Variants in NBPF14 observed in about 807,000 individuals in gnomAD.
NBPF14 encodes NBPF family member NBPF14.
Under a neutral mutation model 91.2 loss-of-function variants are expected in NBPF14, and 104 were observed. The observed-to-expected ratio is 1.14, with a 90% CI of 0.97 to 1.34. NBPF14 has a LOEUF of 1.34. NBPF14 is among the 40% of genes most tolerant of loss of function. The pLI is 0.00. For synonymous variants in NBPF14, 294 were observed against 303.8 expected (o/e 0.97, Z 0.34); for missense variants, 908 against 783.0 (o/e 1.16, Z -1.91).
At chr1:148,577,204 C>G in exon 15 of NBPF14, 2 of 663,136 alleles carry the variant, frequency 3.0e-6, no homozygotes, top group Admixed American at 2.3e-5. Flanking sequence ...ACAGCCAAGC[C>G]AACACGCTGT....
At position 148,587,385 on chromosome 1, in the gene NBPF14, TC is replaced by T. The variant is rs1661719135; in HGVS notation, c.1006del (p.Asp336ThrfsTer3). 1 of 1,579,860 alleles carries T rather than the reference TC, an allele frequency of 6.3e-7. No homozygotes were observed. The highest frequency in any genetic ancestry group is 8.6e-7 in the Non-Finnish European group (1 of 1,157,658). On this transcript the variant is annotated frameshift_variant, in exon 8 of 71. Transcript: ENST00000619423. LOFTEE classifies it high-confidence loss of function. ...ATTCCTCAGCATAAATTTTATGAGG[TC>T]TTTGCACTCTTCATATTCTGAGAAA...
At position 148,539,243 on chromosome 1, in the gene NBPF14, C is replaced by T. The variant is rs1293602841; in HGVS notation, c.7882+167G>A. 2.7e-5 allele frequency among the ~76,000 whole-genome samples: 3 copies of T among 111,566 alleles called. 1 individual carries two copies. Among genetic ancestry groups the T allele is most frequent in the Non-Finnish European group, 5.3e-5 (3 of 56,912 alleles). 73.2% of individuals were successfully genotyped at this position (111,566 alleles called of 152,430 possible). A position where few individuals can be genotyped will look rare whatever the true frequency, so the allele number is the denominator to read the frequency against. ...CCTTGCTCACTGACCCATTTCATGT[C>T]TAGGCTTCCAACTGAGACTACAGTT... On this transcript the variant is annotated intron_variant, in intron 63 of 70. Coordinates refer to ENST00000619423, the Ensembl canonical transcript of NBPF14.
chr1:148,588,804 AT>A (rs1661999557), intron 7 of NBPF14, among the ~76,000 whole-genome samples: 2 of 150,358 alleles, frequency 1.3e-5, no homozygotes, highest in South Asian at 4.3e-4. Context: ...CTTGAACTGA[AT>A]AAAAGTTCAC....
At chr1:148,533,203 C>A (rs781912679) in exon 71 of NBPF14, 2 of 685,210 alleles carry the variant, frequency 2.9e-6, no homozygotes, top group South Asian at 4.0e-5. Context: ...CCAGTGAGTC[C>A]TGTAAGACTT....
In NBPF14 at chr1:148,561,808, C is replaced by A. The variant is rs1209989670; in HGVS notation, c.4275-229G>T. On this transcript the variant is annotated intron_variant, in intron 34 of 70. Coordinates refer to ENST00000619423, the Ensembl canonical transcript of NBPF14. ...ACACACACACACACACACAAACACA[C>A]ACACACACACAGAGAGAGAGAGAGA... 2.0e-4 allele frequency among the ~76,000 whole-genome samples: 27 copies of A among 136,184 alleles called. 1 individual carries two copies. The highest frequency in any genetic ancestry group is 3.4e-4 in the Non-Finnish European group (23 of 67,196). The allele number at this position is 136,184 out of a possible 152,430, so 89.3% of individuals were successfully genotyped here.
chr1:148,559,778 T>A lies in NBPF14; in HGVS notation c.4729+15A>T. On this transcript the variant is annotated intron_variant, in intron 37 of 70. Transcript: ENST00000619423. ...ACTCAGTGGATCCTTATCACCTTCA[T>A]AGAAAGGTACTCACCATCCATGTCA... is the stretch of plus-strand genomic sequence containing the variant. 7.0e-7 allele frequency: 1 copy of A among 1,433,214 alleles called. No individual in the cohort carries two copies. The highest frequency in any genetic ancestry group is 9.4e-7 in the Non-Finnish European group (1 of 1,058,658). 88.8% of individuals were successfully genotyped at this position (1,433,214 alleles called of 1,614,324 possible).
In NBPF14 at chr1:148,593,817, T is replaced by A. The variant is rs1662883107; in HGVS notation, c.176-117A>T. ...GACAAAACTCTCCCCAGTACCACGG[T>A]CTAGACAGGGATTTCCACATCTTTA... On this transcript the variant is annotated intron_variant, in intron 2 of 70. Coordinates refer to ENST00000619423, the Ensembl canonical transcript of NBPF14. 8 of 1,000,190 alleles carry A rather than the reference T, an allele frequency of 8.0e-6. 1 individual carries two copies. The highest frequency in any genetic ancestry group is 9.2e-6 in the Non-Finnish European group (6 of 651,910). 62.0% of individuals were successfully genotyped at this position (1,000,190 alleles called of 1,614,324 possible).
intron 40 of NBPF14, among the ~76,000 whole-genome samples, chr1:148,557,140 G>C (rs1656743221): frequency 8.3e-6 from 1 of 120,758 alleles, no homozygotes; most frequent in Non-Finnish European, 1.6e-5. Flanking sequence ...ACACTGATGA[G>C]GGAGTAACAG....
At chr1:148,535,207 C>A (rs1324189000) in intron 68 of NBPF14, among the ~76,000 whole-genome samples, 3 of 149,696 alleles carry the variant, frequency 2.0e-5, no homozygotes, top group African/African-American at 5.1e-5. Context: ...CATAAACTTG[C>A]TCAAGATTCC....
chr1:148,585,358 C>T (rs1424839298), intron 9 of NBPF14, 145 bp from the exon 10 acceptor site: 57 of 642,680 alleles, frequency 8.9e-5, no homozygotes, highest in East Asian at 4.0e-4. Context: ...TAACAGAATG[C>T]CCTGCCATGG....
At position 148,534,574 on chromosome 1, in the gene NBPF14, G is replaced by C. The variant is rs1275015065; in HGVS notation, c.8614+110C>G. 9.3e-4 allele frequency: 741 copies of C among 798,686 alleles called. 19 individuals are homozygous for C. The African/African-American group carries it at 0.011, about 12-fold the overall frequency. The allele number at this position is 798,686 out of a possible 1,614,324, so 49.5% of individuals were successfully genotyped here. ...CAACCTATATGCGCCCATAGGTCCT[G>C]CCTGCGGCAATGACATCTCTCGGGT... On this transcript the variant is annotated intron_variant, in intron 69 of 70. Transcript: ENST00000619423.
intron 34 of NBPF14, among the ~76,000 whole-genome samples, chr1:148,561,802 A>AAAC (rs1657809530): frequency 2.1e-5 from 2 of 95,608 alleles, no homozygotes; most frequent in Non-Finnish European, 4.5e-5. Flanking sequence ...CACACACACA[A>AAAC]ACACACACAC....
chr1:148,585,972 T>C (rs1661463367), intron 9 of NBPF14, among the ~76,000 whole-genome samples: 1 of 151,130 alleles, frequency 6.6e-6, no homozygotes, highest in Non-Finnish European at 1.5e-5. Flanking sequence ...ACAAGCCTGC[T>C]CCCATCGCAG....
chr1:148,533,720 G>A (rs1378995978), intron 70 of NBPF14, 141 bp downstream of exon 70: 10 of 723,926 alleles, frequency 1.4e-5, no homozygotes, highest in Admixed American at 3.9e-5. Flanking sequence ...AACATCTACT[G>A]CAATGAAAAC....
chr1:148,566,561 A>G (rs1267752461), intron 28 of NBPF14, among the ~76,000 whole-genome samples: 2 of 144,520 alleles, frequency 1.4e-5, no homozygotes, highest in Non-Finnish European at 3.1e-5. Context: ...ACACACACAG[A>G]GAACGAGCTC....
rs1661113738 is a variant in NBPF14, at chr1:148,583,825, T to A, written c.1586-633A>T. ...CAGAGGTTGCACCAAGCCAAGATGG[T>A]GCCACTGCACTCCAGCCTGGGTGAC... On this transcript the variant is annotated intron_variant, in intron 11 of 70. Coordinates refer to ENST00000619423, the Ensembl canonical transcript of NBPF14. Among the ~76,000 whole-genome samples the A allele has an allele frequency of 2.9e-5, 2 of 69,164 alleles. 1 individual carries two copies. The highest frequency in any genetic ancestry group is 4.6e-5 in the Non-Finnish European group (2 of 43,356). The allele number at this position is 69,164 out of a possible 152,430, so 45.4% of individuals were successfully genotyped here.
intron 69 of NBPF14, among the ~76,000 whole-genome samples, 159 bp downstream of exon 69, chr1:148,534,525 C>A (rs1349876959): frequency 3.3e-5 from 5 of 151,754 alleles, no homozygotes; most frequent in African/African-American, 9.7e-5. Flanking sequence ...GTCTAGGCTT[C>A]CAGCTGAGAC....
At chr1:148,535,274 AT>A (rs1654908108) in intron 68 of NBPF14, among the ~76,000 whole-genome samples, 178 bp downstream of exon 68, 2 of 150,398 alleles carry the variant, frequency 1.3e-5, no homozygotes, top group African/African-American at 5.0e-5. Flanking sequence ...TGAGTAAATG[AT>A]AAGGGGAGGA....
In NBPF14 at chr1:148,580,835, A is replaced by T. The variant is rs1295079005; in HGVS notation, c.1638-1598T>A. 3.6e-5 allele frequency among the ~76,000 whole-genome samples: 4 copies of T among 110,120 alleles called. No homozygotes were observed. The Admixed American group carries it at 3.7e-4, about 10-fold the overall frequency. 72.2% of individuals were successfully genotyped at this position (110,120 alleles called of 152,430 possible). A position where few individuals can be genotyped will look rare whatever the true frequency, so the allele number is the denominator to read the frequency against. ...TCCATATGTATAGTTTTCCTTTATT[A>T]TTTTTTGTGTGTATGTATATATATA... On this transcript the variant is annotated intron_variant, in intron 12 of 70. Transcript: ENST00000619423.
Sources: allele counts gnomAD v4.1 joint callset (sites outside exome capture counted in the v4.1 genomes callset), GRCh38; gene constraint gnomAD v4.1.1; transcripts MANE v1.5; gene names NCBI Gene and HGNC (gene_info 2026-07-23, HGNC 2026-07-21).